UBE2H: variants seen among roughly 807,000 people sequenced by gnomAD.
UBE2H encodes ubiquitin-conjugating enzyme E2 H.
A neutral mutation model predicts 29.0 loss-of-function variants in UBE2H; 3 were observed. The observed-to-expected ratio is 0.10, with a 90% CI of 0.05 to 0.27. The LOEUF is 0.27. Ranked by LOEUF, UBE2H falls within the 10% of genes least tolerant of loss-of-function variation. The pLI, the probability that UBE2H is intolerant of heterozygous loss-of-function variation, is 1.00. For synonymous variants in UBE2H, 69 were observed against 82.9 expected (o/e 0.83, Z 0.91); for missense variants, 68 against 228.2 (o/e 0.30, Z 4.52).
intron 1 of UBE2H, among the ~76,000 whole-genome samples, chr7:129,925,730 C>G (rs756003651): frequency 6.6e-6 from 1 of 152,186 alleles, no homozygotes; most frequent in Non-Finnish European, 1.5e-5. Context: ...TAGCTCTTAG[C>G]CTTCTGCCTA....
chr7:129,915,156 C>G (rs1490689204), intron 1 of UBE2H, among the ~76,000 whole-genome samples: 1 of 152,182 alleles, frequency 6.6e-6, no homozygotes, highest in Admixed American at 6.5e-5. Context: ...GGCAGAAGCA[C>G]ATTTCCTGCA....
chr7:129,909,979 G>C (rs1486461172), intron 1 of UBE2H, among the ~76,000 whole-genome samples: 1 of 152,038 alleles, frequency 6.6e-6, no homozygotes, highest in Non-Finnish European at 1.5e-5. Context: ...AATATAGAGG[G>C]GGGGTGATTC....
rs766782539 is a variant in UBE2H at position 129,835,069 on chromosome 7, G to C, written c.428-8C>G. The C allele has an allele frequency of 7.4e-6, 12 of 1,613,912 alleles. No homozygotes were observed. The highest frequency in any genetic ancestry group is 1.7e-5 in the Admixed American group (1 of 59,964). On this transcript the variant is annotated splice_region_variant and splice_polypyrimidine_tract_variant and intron_variant, in intron 6 of 6. Coordinates refer to ENST00000355621, the MANE Select transcript of UBE2H (RefSeq NM_003344.4). ...CGTATTTCTGGATGTACTCTGCACG[G>C]GGTGGGAGAAAGACAACAAGGGCAG... is the stretch of plus-strand genomic sequence containing the variant.
At chr7:129,855,855 C>A (rs2727463) in intron 5 of UBE2H, among the ~76,000 whole-genome samples, 16 of 152,236 alleles carry the variant, frequency 1.1e-4, no homozygotes, top group South Asian at 4.1e-4. Context: ...TATTATCGCA[C>A]CACTGCATTC....
chr7:129,855,937 A>G (rs1805697736), intron 5 of UBE2H, among the ~76,000 whole-genome samples: 1 of 152,120 alleles, frequency 6.6e-6, no homozygotes, highest in Non-Finnish European at 1.5e-5. Flanking sequence ...AAATATATAT[A>G]CAACTGGGTG....
intron 1 of UBE2H, among the ~76,000 whole-genome samples, chr7:129,889,858 T>TA (rs1461823149): frequency 6.6e-6 from 1 of 152,126 alleles, no homozygotes; most frequent in African/African-American, 2.4e-5. Flanking sequence ...GGTATGGTGG[T>TA]ACGTGCTTAT....
In UBE2H at chr7:129,871,710, T is replaced by C. The variant is rs572175735; in HGVS notation, c.205+7858A>G. 3.4e-4 allele frequency among the ~76,000 whole-genome samples: 40 copies of C among 117,442 alleles called. No individual in the cohort carries two copies. The East Asian group carries it at 9.3e-3, about 27-fold the overall frequency. The allele number at this position is 117,442 out of a possible 152,430, so 77.0% of individuals were successfully genotyped here. On this transcript the variant is annotated intron_variant, in intron 3 of 6. Coordinates refer to ENST00000355621, the MANE Select transcript of UBE2H (RefSeq NM_003344.4). ...GCCTGCACAACAGAACAAGACTCTG[T>C]ATCAAAAAAAAAAAAAAAAGATATA...
At chr7:129,911,012 G>A (rs1185454017) in intron 1 of UBE2H, among the ~76,000 whole-genome samples, 2 of 152,068 alleles carry the variant, frequency 1.3e-5, no homozygotes, top group East Asian at 1.9e-4. Flanking sequence ...GTAAGGTCCC[G>A]AGGCCCTGAA....
chr7:129,888,327 T>C (rs144237269), intron 1 of UBE2H, among the ~76,000 whole-genome samples: 187 of 152,294 alleles, frequency 1.2e-3, no homozygotes, highest in African/African-American at 4.2e-3. Context: ...CAATGGGAAG[T>C]GGGCTGCTAT....
intron 1 of UBE2H, among the ~76,000 whole-genome samples, chr7:129,913,682 T>C (rs1004087218): frequency 1.3e-5 from 2 of 152,146 alleles, no homozygotes; most frequent in Non-Finnish European, 2.9e-5. Flanking sequence ...CATGCATCTG[T>C]AGTCCCAGTT....
chr7:129,864,098 G>C lies in UBE2H; in HGVS notation c.206-5157C>G, dbSNP rs553813436. Among the ~76,000 whole-genome samples the C allele has an allele frequency of 5.3e-5, 8 of 152,250 alleles. No individual in the cohort carries two copies. In the South Asian group the frequency reaches 1.7e-3, roughly 32 times the overall value. ...CGTGAGCCACTGCACCTGGCCCTCA[G>C]GCTTAATTGTTAGAAAAATATCCAA... On this transcript the variant is annotated intron_variant, in intron 3 of 6. Coordinates refer to ENST00000355621, the MANE Select transcript of UBE2H (RefSeq NM_003344.4).
chr7:129,887,439 C>T (rs1435482184), intron 1 of UBE2H, among the ~76,000 whole-genome samples: 1 of 151,824 alleles, frequency 6.6e-6, no homozygotes, highest in African/African-American at 2.4e-5. Flanking sequence ...TCAAGCTGGT[C>T]TTGAATTCCT....
chr7:129,948,741 A>G (rs930375449), intron 1 of UBE2H, among the ~76,000 whole-genome samples: 2 of 152,258 alleles, frequency 1.3e-5, no homozygotes, highest in Non-Finnish European at 2.9e-5. Context: ...ATTGTAAGTT[A>G]CAAAATTGTA....
At chr7:129,948,423 TC>T (rs145395319) in intron 1 of UBE2H, among the ~76,000 whole-genome samples, 156 of 152,346 alleles carry the variant, frequency 1.0e-3, no homozygotes, top group African/African-American at 3.4e-3. Context: ...TAAGACACCG[TC>T]CCTTTCTATC....
At chr7:129,855,306 A>C (rs560944457) in intron 5 of UBE2H, among the ~76,000 whole-genome samples, 16 of 152,360 alleles carry the variant, frequency 1.1e-4, no homozygotes, top group African/African-American at 3.6e-4. Flanking sequence ...AATTTACTTC[A>C]TTGTAATTGG....
At chr7:129,845,747 A>G (rs1210036438) in intron 5 of UBE2H, among the ~76,000 whole-genome samples, 1 of 152,250 alleles carries the variant, frequency 6.6e-6, no homozygotes, top group African/African-American at 2.4e-5. Context: ...TGAAAAATCT[A>G]AAAGACCACA....
At position 129,892,410 on chromosome 7, in the gene UBE2H, C is replaced by T. The variant is rs564695640; in HGVS notation, c.54-11439G>A. Reference sequence around the variant, plus strand: ...GGGATTACAGGTGCACACCACCACGCCCGGCTAATTTTTGTATTTTTAGTA... The same window carrying T: ...GGGATTACAGGTGCACACCACCACGTCCGGCTAATTTTTGTATTTTTAGTA... On this transcript the variant is annotated intron_variant, in intron 1 of 6. Coordinates refer to ENST00000355621, the MANE Select transcript of UBE2H (RefSeq NM_003344.4). 4.6e-5 allele frequency among the ~76,000 whole-genome samples: 7 copies of T among 152,094 alleles called. No individual in the cohort carries two copies. The South Asian group carries it at 1.5e-3, about 32-fold the overall frequency.
intron 1 of UBE2H, among the ~76,000 whole-genome samples, chr7:129,946,079 G>A (rs1177756289): frequency 1.4e-5 from 2 of 146,590 alleles, no homozygotes; most frequent in Non-Finnish European, 3.0e-5. Flanking sequence ...TTGAGACGAA[G>A]TCTCACTCTG....
In UBE2H at chr7:129,852,405, C is replaced by T. The variant is rs546274436; in HGVS notation, c.298+5106G>A. ...TGGCGTGAACCCGGGAGGCGGAGCTCGCAGTGAACTGAGATCGTGCCACTG... is the reference window on the plus strand; with the variant it reads ...TGGCGTGAACCCGGGAGGCGGAGCTTGCAGTGAACTGAGATCGTGCCACTG... On this transcript the variant is annotated intron_variant, in intron 5 of 6. Coordinates refer to ENST00000355621, the MANE Select transcript of UBE2H (RefSeq NM_003344.4). Among the ~76,000 whole-genome samples the T allele has an allele frequency of 1.1e-4, 16 of 151,568 alleles. No homozygotes were observed. In the East Asian group the frequency reaches 3.1e-3, roughly 30 times the overall value.
Sources: allele counts gnomAD v4.1 joint callset (sites outside exome capture counted in the v4.1 genomes callset), GRCh38; gene constraint gnomAD v4.1.1; transcripts MANE v1.5; gene names NCBI Gene and HGNC (gene_info 2026-07-23, HGNC 2026-07-21).